LSM3: variants seen among roughly 807,000 people sequenced by gnomAD.
The protein encoded by LSM3 is U6 snRNA-associated Sm-like protein LSm3.
Under a neutral mutation model 15.4 loss-of-function variants are expected in LSM3, and 14 were observed. The observed-to-expected ratio is 0.91, with a 90% confidence interval of 0.60 to 1.42. The LOEUF (loss-of-function observed/expected upper bound fraction) is 1.42. LSM3 is among the 40% of genes most tolerant of loss of function. The probability of loss-of-function intolerance (pLI) is 0.00; values close to 1 mark genes in which losing one functional copy is unlikely to be tolerated. For missense variants in LSM3, 88 were observed against 127.9 expected (o/e 0.69, Z 1.50); for synonymous variants, 46 against 45.1 (o/e 1.02, Z -0.08).
intron 3 of LSM3, 135 bp from the exon 4 acceptor site, chr3:14,197,901 A>G: frequency 1.5e-6 from 1 of 681,556 alleles, no homozygotes; most frequent in African/African-American, 1.8e-5. Flanking sequence ...TCTTGGTGCT[A>G]CCAAGGGAAG....
chr3:14,196,743 G>A (rs1306914280), intron 3 of LSM3, among the ~76,000 whole-genome samples: 1 of 152,212 alleles, frequency 6.6e-6, no homozygotes, highest in Admixed American at 6.5e-5. Flanking sequence ...CCTAAATGGG[G>A]TCCGCAGAGC....
intron 1 of LSM3, among the ~76,000 whole-genome samples, chr3:14,179,885 G>A (rs36208721): frequency 0.21 from 31,652 of 152,204 alleles, 3,489 homozygotes; most frequent in South Asian, 0.26. Context: ...TATTCTTACA[G>A]TATTATAATT....
intron 1 of LSM3, among the ~76,000 whole-genome samples, chr3:14,179,794 T>C (rs1697001085): frequency 6.6e-6 from 1 of 152,232 alleles, no homozygotes. Flanking sequence ...GAAGCCAATA[T>C]TTAAAGCTAC....
chr3:14,195,164 CTT>C (rs1357777988), intron 3 of LSM3, among the ~76,000 whole-genome samples: 2 of 152,146 alleles, frequency 1.3e-5, no homozygotes, highest in African/African-American at 4.8e-5. Context: ...ACCCCTAAGT[CTT>C]TTGTCGTCAT....
intron 3 of LSM3, among the ~76,000 whole-genome samples, chr3:14,196,188 A>C (rs1331534269): frequency 1.3e-5 from 2 of 151,798 alleles, no homozygotes; most frequent in Non-Finnish European, 2.9e-5. Context: ...TGATCTCCTG[A>C]CCTCATGATC....
chr3:14,178,869 C>T lies in LSM3; in HGVS notation c.9C>T (p.Asp3=). The change falls in exon 1 of 4, where the codon GAC becomes GAT. Residue 3 remains aspartate (D), a synonymous_variant. Transcript: ENST00000306024. ...GGCGCAGGGTTTGAAACATGGCGGACGACGTAGACCAGGTAAGTGTATTTT... is the reference window on the plus strand; with the variant it reads ...GGCGCAGGGTTTGAAACATGGCGGATGACGTAGACCAGGTAAGTGTATTTT... MA[D]DVDQQQTTNT... is the part of the protein sequence containing the mutation. 3 of 1,614,186 alleles carry T rather than the reference C, an allele frequency of 1.9e-6. No individual in the cohort carries two copies. Among genetic ancestry groups the T allele is most frequent in the South Asian group, 1.1e-5 (1 of 91,082 alleles).
intron 3 of LSM3, among the ~76,000 whole-genome samples, chr3:14,194,655 G>C (rs1204081507): frequency 2.7e-5 from 4 of 150,576 alleles, no homozygotes; most frequent in Admixed American, 6.6e-5. Context: ...AAGGACTGCA[G>C]ATCCAAGCCT....
Position 14,190,793 on chromosome 3 carries a change from C to T in LSM3, c.228+6761C>T, listed in dbSNP as rs1697132386. ...AATACCCTTTATTGCTTTCTCTTGCCTGATTGCCCTGGCCAGAATTTCCAA... is the reference window on the plus strand; with the variant it reads ...AATACCCTTTATTGCTTTCTCTTGCTTGATTGCCCTGGCCAGAATTTCCAA... On this transcript the variant is annotated intron_variant, in intron 3 of 3. Coordinates refer to ENST00000306024, the MANE Select transcript of LSM3 (RefSeq NM_014463.3). 1.3e-5 allele frequency among the ~76,000 whole-genome samples: 2 copies of T among 152,112 alleles called. 1 individual carries two copies. The highest frequency in any genetic ancestry group is 1.3e-4 in the Admixed American group (2 of 15,270).
chr3:14,181,850 T>C (rs1419766562), intron 2 of LSM3, among the ~76,000 whole-genome samples, 180 bp downstream of exon 2: 1 of 152,252 alleles, frequency 6.6e-6, no homozygotes, highest in Non-Finnish European at 1.5e-5. Flanking sequence ...TTTTTTCTTT[T>C]AATAGAAATA....
At chr3:14,183,897 T>A (rs530864381) in intron 2 of LSM3, 40 bp from the exon 3 acceptor site, 5 of 1,461,268 alleles carry the variant, frequency 3.4e-6, no homozygotes, top group Admixed American at 2.2e-5. Flanking sequence ...TTTTGTAATT[T>A]GATTATTAAA....
intron 3 of LSM3, among the ~76,000 whole-genome samples, chr3:14,194,085 G>A (rs1697166349): frequency 6.6e-6 from 1 of 152,206 alleles, no homozygotes; most frequent in South Asian, 2.1e-4. Context: ...TATCACCAGC[G>A]GAGGCTGCAG....
chr3:14,180,823 T>A (rs1356466686), intron 1 of LSM3, among the ~76,000 whole-genome samples: 2 of 53,742 alleles, frequency 3.7e-5, no homozygotes, highest in Non-Finnish European at 3.6e-5. Context: ...TTGCTTGCCT[T>A]TTTTTTTTTT....
rs755227352 is a variant in LSM3 at position 14,198,145 on chromosome 3, G to T, written c.*29G>T. Reference sequence around the variant, plus strand: ...AAAGAATTTGTCCTGTATGGAAAACGGGAGACTTTGTACAGTGGCCTCTCT... The same window carrying T: ...AAAGAATTTGTCCTGTATGGAAAACTGGAGACTTTGTACAGTGGCCTCTCT... On this transcript the variant is annotated 3_prime_UTR_variant, in exon 4 of 4. Transcript: ENST00000306024. 1.5e-5 allele frequency: 24 copies of T among 1,554,178 alleles called. No individual in the cohort carries two copies. The highest frequency in any genetic ancestry group is 2.1e-5 in the Non-Finnish European group (24 of 1,126,926).
chr3:14,181,724 C>T (rs3733170), intron 2 of LSM3, 54 bp downstream of exon 2: 73,216 of 1,278,426 alleles, frequency 0.057, 4,865 homozygotes, highest in East Asian at 0.35. Flanking sequence ...ACCCCCACTC[C>T]CTTGAAATGT....
rs1318077861 is a variant in LSM3 at position 14,181,532 on chromosome 3, A to G, written c.22-28A>G. 4 of 1,409,960 alleles carry G rather than the reference A, an allele frequency of 2.8e-6. No individual in the cohort carries two copies. In the Admixed American group the frequency reaches 5.0e-5, roughly 18 times the overall value. 87.3% of individuals were successfully genotyped at this position (1,409,960 alleles called of 1,614,324 possible). A position where few individuals can be genotyped will look rare whatever the true frequency, so the allele number is the denominator to read the frequency against. ...TAAGCACTACTCTGACTCTAGTACTACATTACTAATCCTGTTTCTTTTATC... is the reference window on the plus strand; with the variant it reads ...TAAGCACTACTCTGACTCTAGTACTGCATTACTAATCCTGTTTCTTTTATC... On this transcript the variant is annotated intron_variant, in intron 1 of 3. Coordinates refer to ENST00000306024, the MANE Select transcript of LSM3 (RefSeq NM_014463.3).
chr3:14,195,449 G>A (rs1375824620), intron 3 of LSM3, among the ~76,000 whole-genome samples: 2 of 122,894 alleles, frequency 1.6e-5, no homozygotes, highest in African/African-American at 5.7e-5. Context: ...TGTGAGCAAA[G>A]GGCTTTAAAA....
In LSM3 at chr3:14,185,315, G is replaced by C. The variant is rs60353129; in HGVS notation, c.228+1283G>C. Among the ~76,000 whole-genome samples, 1,511 of 152,170 alleles carry C rather than the reference G, an allele frequency of 9.9e-3. 26 individuals carry two copies. Among genetic ancestry groups the C allele is most frequent in the African/African-American group, 0.034 (1,419 of 41,500 alleles). ...TGCGGTAAGCTGAGATCGTGCTACT[G>C]TACTCCAGCCTGGGGGACAGAGTAA... On this transcript the variant is annotated intron_variant, in intron 3 of 3. Coordinates refer to ENST00000306024, the MANE Select transcript of LSM3 (RefSeq NM_014463.3).
chr3:14,181,509 A>C (rs769630234), intron 1 of LSM3, 51 bp from the exon 2 acceptor site: 10 of 1,167,826 alleles, frequency 8.6e-6, no homozygotes, highest in Non-Finnish European at 1.3e-5. Context: ...CAGTGATTTA[A>C]GCACTACTCT....
Position 14,186,580 on chromosome 3 carries a change from C to T in LSM3, c.228+2548C>T, listed in dbSNP as rs547974674. Among the ~76,000 whole-genome samples, 99 of 152,306 alleles carry T rather than the reference C, an allele frequency of 6.5e-4. 1 individual carries two copies. The highest frequency in any genetic ancestry group is 9.4e-4 in the Non-Finnish European group (64 of 68,014). On this transcript the variant is annotated intron_variant, in intron 3 of 3. Coordinates refer to ENST00000306024, the MANE Select transcript of LSM3 (RefSeq NM_014463.3). ...TGTTCTTTCTCCTTCTGAGTGTAAACATTTAGCATTTTTTTCTTTTTTTAA... is the reference window on the plus strand; with the variant it reads ...TGTTCTTTCTCCTTCTGAGTGTAAATATTTAGCATTTTTTTCTTTTTTTAA...
Sources: gnomAD v4.1 joint callset for allele counts (sites outside exome capture counted in the v4.1 genomes callset) on GRCh38, gnomAD v4.1.1 for gene constraint, MANE v1.5 for transcripts, NCBI Gene and HGNC (gene_info 2026-07-23, HGNC 2026-07-21) for gene names.